Variants in PCSK2 observed in about 807,000 individuals in gnomAD.
PCSK2 encodes neuroendocrine convertase 2.
PCSK2 carries 14 observed loss-of-function variants against 69.7 expected under a neutral mutation model. The ratio of observed to expected loss-of-function variants is 0.20; its 90% CI spans 0.13 to 0.31. The LOEUF is 0.31. PCSK2 is among the 10% of genes least tolerant of loss of function. The probability of loss-of-function intolerance (pLI) is 1.00; values close to 1 mark genes in which losing one functional copy is unlikely to be tolerated. For missense variants in PCSK2, 544 were observed against 842.5 expected, an observed-to-expected ratio of 0.65 and a Z score of 4.39; for synonymous variants, 307 against 320.7, an observed-to-expected ratio of 0.96 and a Z score of 0.46.
chr20:17,384,426 A>T (rs1311117287), intron 5 of PCSK2, among the ~76,000 whole-genome samples: 2,339 of 45,652 alleles, frequency 0.051, 61 homozygotes, highest in African/African-American at 0.11. Flanking sequence ...CATATCTACC[A>T]AAAAAAAAAA....
chr20:17,423,391 C>A (rs1377367269), intron 6 of PCSK2, among the ~76,000 whole-genome samples: 3 of 151,944 alleles, frequency 2.0e-5, no homozygotes, highest in African/African-American at 4.8e-5. Flanking sequence ...TTTGTGGAGA[C>A]CAGGGTTCTT....
chr20:17,255,835 T>C (rs1745127713), intron 1 of PCSK2, among the ~76,000 whole-genome samples: 2 of 152,122 alleles, frequency 1.3e-5, no homozygotes, highest in East Asian at 1.9e-4. Context: ...TGAAAATCCT[T>C]TTTATATGTG....
chr20:17,347,935 A>G (rs1015865165), intron 2 of PCSK2, among the ~76,000 whole-genome samples: 1 of 19,510 alleles, frequency 5.1e-5, no homozygotes. Context: ...GAGAAAAAAG[A>G]GAAAGAAAGA....
intron 9 of PCSK2, among the ~76,000 whole-genome samples, chr20:17,455,888 C>T (rs2032910670): frequency 6.6e-6 from 1 of 152,192 alleles, no homozygotes; most frequent in African/African-American, 2.4e-5. Flanking sequence ...AAAAGAGAGG[C>T]ATATGGATGC....
At chr20:17,247,984 T>C (rs1423671147) in intron 1 of PCSK2, among the ~76,000 whole-genome samples, 9 of 152,148 alleles carry the variant, frequency 5.9e-5, no homozygotes, top group Non-Finnish European at 8.8e-5. Context: ...CTGAGATCCA[T>C]ACATTTTTGT....
intron 2 of PCSK2, among the ~76,000 whole-genome samples, chr20:17,319,555 C>G (rs1989800421): frequency 6.6e-6 from 1 of 152,120 alleles, no homozygotes; most frequent in Non-Finnish European, 1.5e-5. Context: ...ACAGAACAAG[C>G]CCCAGTGCAG....
intron 2 of PCSK2, among the ~76,000 whole-genome samples, chr20:17,354,025 A>T (rs1457753910): frequency 2.0e-5 from 3 of 152,204 alleles, no homozygotes; most frequent in African/African-American, 7.2e-5. Context: ...GAAAACAAGG[A>T]CTGAAAAACT....
At chr20:17,275,237 T>C (rs2123033361) in intron 2 of PCSK2, among the ~76,000 whole-genome samples, 1 of 152,094 alleles carries the variant, frequency 6.6e-6, no homozygotes, top group South Asian at 2.1e-4. Flanking sequence ...TTCCAAAGTA[T>C]AAACTTTGGC....
chr20:17,444,747 T>C (rs2032666425), intron 8 of PCSK2, among the ~76,000 whole-genome samples: 1 of 152,202 alleles, frequency 6.6e-6, no homozygotes, highest in African/African-American at 2.4e-5. Context: ...GTCATCGCTG[T>C]CAGCAACTGG....
chr20:17,393,777 A>G (rs541977693), intron 5 of PCSK2, among the ~76,000 whole-genome samples: 1 of 152,308 alleles, frequency 6.6e-6, no homozygotes, highest in East Asian at 1.9e-4. Flanking sequence ...ACAAAATGCA[A>G]TTAAAATGTG....
chr20:17,319,680 T>G (rs1162986243), intron 2 of PCSK2, among the ~76,000 whole-genome samples: 2 of 151,016 alleles, frequency 1.3e-5, no homozygotes, highest in Non-Finnish European at 2.9e-5. Flanking sequence ...GGGTGAACAC[T>G]GGGAGGGGGG....
intron 6 of PCSK2, among the ~76,000 whole-genome samples, chr20:17,417,955 T>A (rs369094775): frequency 2.0e-5 from 3 of 152,220 alleles, no homozygotes; most frequent in Admixed American, 6.5e-5. Flanking sequence ...GCATACGGCA[T>A]AAAAAGAGGT....
chr20:17,308,782 A>G (rs2424066), intron 2 of PCSK2, among the ~76,000 whole-genome samples: 135,822 of 152,104 alleles, frequency 0.89, 60,760 homozygotes, highest in East Asian at 0.95. Flanking sequence ...TTTTCGTGGG[A>G]GCATTTGAAC....
In PCSK2 at chr20:17,477,078, T is replaced by C. The variant is rs183517878; in HGVS notation, c.1431-4506T>C. On this transcript the variant is annotated intron_variant, in intron 11 of 11. Coordinates refer to ENST00000262545, the MANE Select transcript of PCSK2 (RefSeq NM_002594.5). ...GTAAAGTTCCTCCAGAGAGTATTAA[T>C]GAACTGCACTGTATGTTTCAGCAAG... Among the ~76,000 whole-genome samples the C allele has an allele frequency of 2.1e-3, 320 of 152,352 alleles. 1 individual carries two copies. Among genetic ancestry groups the C allele is most frequent in the African/African-American group, 7.3e-3 (305 of 41,590 alleles).
At position 17,271,072 on chromosome 20, in the gene PCSK2, A is replaced by G. The variant is rs535563923; in HGVS notation, c.282+10728A>G. Among the ~76,000 whole-genome samples the G allele has an allele frequency of 1.1e-4, 17 of 152,218 alleles. No homozygotes were observed. In the South Asian group the frequency reaches 3.1e-3, roughly 28 times the overall value. ...ACCCAGCAATTCTAACCAGTTTGTG[A>G]TCCTTCCTTTACATGTCTTTCTTTT... On this transcript the variant is annotated intron_variant, in intron 2 of 11. Transcript: ENST00000262545.
rs371837276 is a variant in PCSK2, at chr20:17,409,269, G to A, written c.550G>A (p.Glu184Lys). 1.2e-5 allele frequency: 20 copies of A among 1,613,538 alleles called. No homozygotes were observed. The highest frequency in any genetic ancestry group is 2.7e-5 in the African/African-American group (2 of 74,898). The stretch of plus-strand genomic sequence containing the variant: ...GATGCCTTGTGTTTTTCAGAATGCC[G>A]AAGCAAGTTACGACTTCAGCAGCAA... Reference protein sequence around the residue: ...HPDLASNYNAEASYDFSSNDP... With the variant: ...HPDLASNYNAKASYDFSSNDP... Residue 184 changes from glutamate (E) to lysine (K), a missense_variant, in exon 6 of 12, where the codon GAA becomes AAA. Physicochemically the swap from Glu to Lys is moderately conservative, Grantham distance 56. Around this residue, in one of 3 missense-constraint regions of PCSK2, gnomAD observed 187 missense variants for 399.8 expected, o/e 0.47. Coordinates refer to ENST00000262545, the MANE Select transcript of PCSK2 (RefSeq NM_002594.5).
intron 5 of PCSK2, among the ~76,000 whole-genome samples, chr20:17,378,715 C>T (rs963649407): frequency 7.3e-5 from 11 of 151,170 alleles, no homozygotes; most frequent in East Asian, 1.9e-4. Context: ...TTGGATGGAA[C>T]GGATGGATGA....
chr20:17,366,693 C>T (rs1043254722), intron 4 of PCSK2, among the ~76,000 whole-genome samples: 1 of 152,200 alleles, frequency 6.6e-6, no homozygotes, highest in East Asian at 1.9e-4. Flanking sequence ...TTTTCCGAAT[C>T]ATGTTTGTTG....
intron 11 of PCSK2, among the ~76,000 whole-genome samples, chr20:17,470,338 T>TG (rs1294511774): frequency 2.6e-5 from 4 of 152,204 alleles, no homozygotes; most frequent in Non-Finnish European, 4.4e-5. Context: ...AATAGCAACA[T>TG]GTGGCTGGTG....
Sources: allele counts gnomAD v4.1 joint callset (sites outside exome capture counted in the v4.1 genomes callset), GRCh38; gene constraint gnomAD v4.1.1; regional missense constraint gnomAD v4.1.1; transcripts MANE v1.5; gene names NCBI Gene and HGNC (gene_info 2026-07-23, HGNC 2026-07-21).